Variants in RAPGEF5 observed in about 807,000 individuals in gnomAD.
RAPGEF5 encodes M-Ras-regulated GEF.
RAPGEF5 carries 65 observed loss-of-function variants against 125.2 expected under a neutral mutation model. The observed-to-expected ratio is 0.52, with a 90% confidence interval of 0.43 to 0.64. RAPGEF5 has a LOEUF of 0.64. Ranked by LOEUF, RAPGEF5 falls within the 30% of genes least tolerant of loss-of-function variation. The pLI, the probability that RAPGEF5 is intolerant of heterozygous loss-of-function variation, is 0.00. For synonymous variants in RAPGEF5, 391 were observed against 385.9 expected (o/e 1.01, Z -0.16); for missense variants, 958 against 1,048.1 (o/e 0.91, Z 1.19).
At chr7:22,273,470 G>A (rs1335889077) in intron 6 of RAPGEF5, among the ~76,000 whole-genome samples, 9 of 149,180 alleles carry the variant, frequency 6.0e-5, no homozygotes, top group Non-Finnish European at 1.2e-4. Context: ...CGCCCGCCTC[G>A]GCCTCCCAAA....
At chr7:22,211,165 C>G (rs1785499410) in intron 9 of RAPGEF5, among the ~76,000 whole-genome samples, 1 of 152,114 alleles carries the variant, frequency 6.6e-6, no homozygotes, top group African/African-American at 2.4e-5. Context: ...TGGAATTTTT[C>G]CTTTCCACCC....
chr7:22,269,180 CAA>C (rs34791723), intron 6 of RAPGEF5, among the ~76,000 whole-genome samples: 11 of 73,860 alleles, frequency 1.5e-4, no homozygotes, highest in Admixed American at 3.1e-4. Flanking sequence ...AAGTTTTTGA[CAA>C]AAAAAAAAAA....
intron 7 of RAPGEF5, among the ~76,000 whole-genome samples, chr7:22,252,115 A>T (rs2128138513): frequency 6.6e-6 from 1 of 152,276 alleles, no homozygotes; most frequent in Admixed American, 6.5e-5. Context: ...CCCGCCTTAC[A>T]CCCACCTCTC....
chr7:22,249,268 T>C (rs922599793), intron 7 of RAPGEF5, among the ~76,000 whole-genome samples: 5 of 152,186 alleles, frequency 3.3e-5, no homozygotes, highest in African/African-American at 1.2e-4. Flanking sequence ...CTTGGCTCAC[T>C]GCAACCTCAG....
rs1234908448 is a variant in RAPGEF5, at chr7:22,122,086, G to C, written c.*320C>G. Reference sequence around the variant, plus strand: ...TCATTGCATGTCAAGACGTTGTCTTGTCTTGATGCTGGCACATCTCATATT... The same window carrying C: ...TCATTGCATGTCAAGACGTTGTCTTCTCTTGATGCTGGCACATCTCATATT... On this transcript the variant is annotated 3_prime_UTR_variant, in exon 26 of 26. Coordinates refer to ENST00000665637, the MANE Select transcript of RAPGEF5 (RefSeq NM_012294.5). The C allele has an allele frequency of 3.7e-6, 1 of 273,860 alleles. No homozygotes were observed. Among genetic ancestry groups the C allele is most frequent in the Non-Finnish European group, 7.2e-6 (1 of 139,848 alleles). The allele number at this position is 273,860 out of a possible 1,614,324, so 17.0% of individuals were successfully genotyped here.
chr7:22,239,543 G>A (rs140533354), intron 7 of RAPGEF5, among the ~76,000 whole-genome samples: 1 of 151,844 alleles, frequency 6.6e-6, no homozygotes, highest in African/African-American at 2.4e-5. Flanking sequence ...GTTCTGGGTG[G>A]CCTCGCTCCA....
At chr7:22,128,447 T>C (rs181085002) in intron 24 of RAPGEF5, among the ~76,000 whole-genome samples, 17 of 152,276 alleles carry the variant, frequency 1.1e-4, no homozygotes, top group Admixed American at 1.0e-3. Flanking sequence ...TAAGTTAATA[T>C]CCATCATGAG....
At chr7:22,328,843 G>A (rs1242712736) in intron 1 of RAPGEF5, among the ~76,000 whole-genome samples, 1 of 152,210 alleles carries the variant, frequency 6.6e-6, no homozygotes, top group African/African-American at 2.4e-5. Flanking sequence ...GCAGGATGCT[G>A]TGCAGCTAAG....
intron 8 of RAPGEF5, among the ~76,000 whole-genome samples, chr7:22,224,869 A>T (rs1469795286): frequency 6.7e-6 from 1 of 150,350 alleles, no homozygotes; most frequent in East Asian, 1.9e-4. Flanking sequence ...TGATTACAGC[A>T]TCATCAATAA....
At chr7:22,160,044 G>A (rs1474813929) in intron 14 of RAPGEF5, among the ~76,000 whole-genome samples, 2 of 152,174 alleles carry the variant, frequency 1.3e-5, no homozygotes, top group African/African-American at 4.8e-5. Context: ...AGGAGGTGGA[G>A]GTTGCAGTGA....
chr7:22,139,478 G>A (rs1227485032), intron 21 of RAPGEF5, among the ~76,000 whole-genome samples: 2 of 152,190 alleles, frequency 1.3e-5, no homozygotes, highest in African/African-American at 4.8e-5. Context: ...CAGTCCACAC[G>A]TCAGACCTTG....
chr7:22,334,502 T>C (rs191003201), intron 1 of RAPGEF5, among the ~76,000 whole-genome samples: 324 of 152,292 alleles, frequency 2.1e-3, no homozygotes, highest in African/African-American at 7.4e-3. Flanking sequence ...AGATTGGCAA[T>C]TTCTGATAAG....
At position 22,150,513 on chromosome 7, in the gene RAPGEF5, G is replaced by GAA. The variant is rs10668286; in HGVS notation, c.1787-11_1787-10dup. On this transcript the variant is annotated splice_polypyrimidine_tract_variant and intron_variant, in intron 17 of 25. Transcript: ENST00000665637. ...CTGAAGTTCATGCTTTTCTTTATTT[G>GAA]AAAAAAAAAAAAAAAAAAGGAATAA... 0.02 allele frequency: 26,574 copies of GAA among 1,329,258 alleles called. 70 individuals are homozygous for GAA. The highest frequency in any genetic ancestry group is 0.029 in the East Asian group (1,011 of 34,578). The allele number at this position is 1,329,258 out of a possible 1,614,324, so 82.3% of individuals were successfully genotyped here.
chr7:22,242,985 A>G (rs1329841853), intron 7 of RAPGEF5, among the ~76,000 whole-genome samples: 2 of 151,832 alleles, frequency 1.3e-5, no homozygotes, highest in African/African-American at 2.4e-5. Flanking sequence ...AAAGAAAGAA[A>G]CAAGAGTTCA....
At chr7:22,199,982 C>T (rs186342674) in intron 9 of RAPGEF5, among the ~76,000 whole-genome samples, 11 of 152,306 alleles carry the variant, frequency 7.2e-5, no homozygotes, top group Non-Finnish European at 1.6e-4. Flanking sequence ...CCCTTTCCAA[C>T]ACAAAGATTC....
chr7:22,335,224 G>C (rs1271114564), intron 1 of RAPGEF5, among the ~76,000 whole-genome samples: 1 of 152,172 alleles, frequency 6.6e-6, no homozygotes, highest in Non-Finnish European at 1.5e-5. Context: ...TTCATTTTTA[G>C]TTTCAACGAG....
At chr7:22,340,448 G>A (rs1411657658) in intron 1 of RAPGEF5, among the ~76,000 whole-genome samples, 1 of 152,216 alleles carries the variant, frequency 6.6e-6, no homozygotes, top group Admixed American at 6.5e-5. Context: ...CAGAGAAGGA[G>A]ATGGTAAGCA....
intron 7 of RAPGEF5, among the ~76,000 whole-genome samples, chr7:22,246,116 T>C (rs779120538): frequency 2.0e-4 from 30 of 152,024 alleles, no homozygotes; most frequent in Non-Finnish European, 3.2e-4. Flanking sequence ...AAACATGGAT[T>C]GGAAGAATGA....
intron 24 of RAPGEF5, among the ~76,000 whole-genome samples, chr7:22,126,978 C>CTTCAAT (rs1449139670): frequency 6.6e-6 from 1 of 150,912 alleles, no homozygotes; most frequent in African/African-American, 2.4e-5. Flanking sequence ...CACGTACAGT[C>CTTCAAT]TTCAATATTC....
Sources: allele counts gnomAD v4.1 joint callset (sites outside exome capture counted in the v4.1 genomes callset), GRCh38; gene constraint gnomAD v4.1.1; transcripts MANE v1.5; gene names NCBI Gene and HGNC (gene_info 2026-07-23, HGNC 2026-07-21).